Variants in AHR observed in about 807,000 individuals in gnomAD.
The protein encoded by AHR is AH-receptor.
Under a neutral mutation model 86.8 loss-of-function variants are expected in AHR, and 40 were observed. That is an observed-to-expected ratio of 0.46 (90% CI 0.36 to 0.60). The LOEUF is 0.60. Ranked by LOEUF, AHR falls within the 20% of genes least tolerant of loss-of-function variation. The pLI is 0.00. For synonymous variants in AHR, 398 were observed against 354.9 expected (o/e 1.12, Z -1.37); for missense variants, 1,001 against 1,011.6 (o/e 0.99, Z 0.14).
intron 6 of AHR, among the ~76,000 whole-genome samples, chr7:17,332,333 G>T (rs1245823868): frequency 2.0e-5 from 3 of 150,948 alleles, no homozygotes; most frequent in Non-Finnish European, 3.0e-5. Context: ...CATTATTTTA[G>T]AATAAGGTTA....
chr7:17,342,231 A>T (rs1486741318), intron 10 of AHR, among the ~76,000 whole-genome samples: 4 of 152,148 alleles, frequency 2.6e-5, no homozygotes, highest in African/African-American at 9.6e-5. Context: ...AGAGCTATAC[A>T]TCTTCATGTC....
At position 17,299,078 on chromosome 7, in the gene AHR, C is replaced by T. The variant is rs766048730; in HGVS notation, c.-187C>T. 2 of 584,214 alleles carry T rather than the reference C, an allele frequency of 3.4e-6. No individual in the cohort carries two copies. The highest frequency in any genetic ancestry group is 2.0e-5 in the African/African-American group (1 of 50,238). The allele number at this position is 584,214 out of a possible 1,614,324, so 36.2% of individuals were successfully genotyped here. On this transcript the variant is annotated 5_prime_UTR_variant, in exon 1 of 11. Transcript: ENST00000242057. ...AGCTCACCTGTACTGGCGCGGGCTG[C>T]GGAAGCCTGCGTGAGCCGAGGCGTT...
chr7:17,337,537 G>A (rs1289038358), intron 9 of AHR, among the ~76,000 whole-genome samples: 1 of 149,312 alleles, frequency 6.7e-6, no homozygotes, highest in South Asian at 2.1e-4. Flanking sequence ...TGCAGTGGCG[G>A]GATCTCGGCT....
intron 6 of AHR, among the ~76,000 whole-genome samples, 162 bp downstream of exon 6, chr7:17,331,048 G>C (rs1782283202): frequency 6.6e-6 from 1 of 151,852 alleles, no homozygotes; most frequent in Admixed American, 6.6e-5. Flanking sequence ...ACATGGGCTG[G>C]AGCATTTATG....
intron 5 of AHR, 107 bp from the exon 6 acceptor site, chr7:17,330,649 T>G: frequency 2.0e-6 from 2 of 1,004,832 alleles, no homozygotes; most frequent in Non-Finnish European, 2.7e-6. Context: ...TTTTTTGTAT[T>G]CAGAACACAG....
chr7:17,333,830 A>G (rs2115366227), intron 6 of AHR, 82 bp from the exon 7 acceptor site: 1 of 1,068,018 alleles, frequency 9.4e-7, no homozygotes, highest in Non-Finnish European at 1.4e-6. Context: ...CCCTAGAGGC[A>G]GCCATAATGG....
chr7:17,319,826 T>A (rs936953553), intron 2 of AHR, among the ~76,000 whole-genome samples: 10 of 152,138 alleles, frequency 6.6e-5, no homozygotes, highest in Non-Finnish European at 1.3e-4. Flanking sequence ...TTACATAGTT[T>A]AGGCTGAAAG....
chr7:17,326,733 TAGAC>T (rs767832521), intron 3 of AHR, among the ~76,000 whole-genome samples: 6 of 152,120 alleles, frequency 3.9e-5, no homozygotes, highest in Non-Finnish European at 5.9e-5. Context: ...CAGCTAGTAA[TAGAC>T]AGAGACAGGA....
At chr7:17,335,895 A>G (rs1782349922) in intron 9 of AHR, 109 bp downstream of exon 9, 1 of 1,186,664 alleles carries the variant, frequency 8.4e-7, no homozygotes, top group Non-Finnish European at 1.2e-6. Flanking sequence ...TAAAAATTGA[A>G]AAGTTTAATT....
At chr7:17,308,143 T>G (rs1049393486) in intron 1 of AHR, among the ~76,000 whole-genome samples, 7 of 152,206 alleles carry the variant, frequency 4.6e-5, no homozygotes, top group Non-Finnish European at 1.0e-4. Flanking sequence ...TGTTTACCTG[T>G]AAGTGTTCTG....
intron 9 of AHR, among the ~76,000 whole-genome samples, chr7:17,338,485 G>T (rs1279948860): frequency 6.6e-6 from 1 of 152,082 alleles, no homozygotes; most frequent in Non-Finnish European, 1.5e-5. Context: ...CTCCAGAGTA[G>T]CTGAAGACTG....
intron 2 of AHR, among the ~76,000 whole-genome samples, chr7:17,321,379 C>T (rs939502877): frequency 6.6e-6 from 1 of 151,532 alleles, no homozygotes; most frequent in African/African-American, 2.4e-5. Context: ...TTTTAATTAC[C>T]ACCTCACATA....
intron 1 of AHR, among the ~76,000 whole-genome samples, chr7:17,302,811 AT>A (rs1339292274): frequency 2.4e-4 from 34 of 140,912 alleles, no homozygotes; most frequent in African/African-American, 4.8e-4. Flanking sequence ...CAAAAAAAAA[AT>A]ATATATATAT....
At chr7:17,323,662 A>T (rs1782196937) in intron 3 of AHR, among the ~76,000 whole-genome samples, 1 of 152,194 alleles carries the variant, frequency 6.6e-6, no homozygotes, top group African/African-American at 2.4e-5. Flanking sequence ...CGGTAACTCC[A>T]CTAGTTCATT....
chr7:17,321,731 T>C (rs1337472235), intron 2 of AHR, among the ~76,000 whole-genome samples: 1 of 151,870 alleles, frequency 6.6e-6, no homozygotes, highest in Admixed American at 6.6e-5. Context: ...AGTTAAAAGC[T>C]ATACCGGAAA....
intron 2 of AHR, among the ~76,000 whole-genome samples, chr7:17,322,186 G>A (rs1007708560): frequency 6.6e-6 from 1 of 151,950 alleles, no homozygotes; most frequent in Non-Finnish European, 1.5e-5. Context: ...TAACAGTGTT[G>A]TGCAGTTCTT....
intron 2 of AHR, among the ~76,000 whole-genome samples, chr7:17,314,664 T>G (rs1782098330): frequency 6.6e-6 from 1 of 152,064 alleles, no homozygotes; most frequent in Non-Finnish European, 1.5e-5. Flanking sequence ...TACGTACATG[T>G]GTATATGCAA....
In AHR at chr7:17,343,364, A is replaced by T. The variant is rs1782446713; in HGVS notation, c.*300A>T. On this transcript the variant is annotated 3_prime_UTR_variant, in exon 11 of 11. Transcript: ENST00000242057. ...AAATATACAAAACTTTATCAGGGAA[A>T]CTAAGATTCTTTTAAATTAGAAAAT... 3.5e-6 allele frequency: 1 copy of T among 286,112 alleles called. No homozygotes were observed. The highest frequency in any genetic ancestry group is 6.4e-6 in the Non-Finnish European group (1 of 156,712). 17.7% of individuals were successfully genotyped at this position (286,112 alleles called of 1,614,324 possible).
intron 2 of AHR, among the ~76,000 whole-genome samples, chr7:17,311,240 A>G (rs1237449633): frequency 6.6e-6 from 1 of 152,242 alleles, no homozygotes; most frequent in Non-Finnish European, 1.5e-5. Context: ...AGTTAATGAT[A>G]AAATCTCAGT....
Sources: gnomAD v4.1 joint callset for allele counts (sites outside exome capture counted in the v4.1 genomes callset) on GRCh38, gnomAD v4.1.1 for gene constraint, MANE v1.5 for transcripts, NCBI Gene and HGNC (gene_info 2026-07-23, HGNC 2026-07-21) for gene names.